The following CEP63 variants were observed in gnomAD, a reference collection of about 807,000 sequenced individuals.
The protein encoded by CEP63 is centrosomal protein of 63 kDa.
CEP63 carries 84 observed loss-of-function variants against 89.1 expected under a neutral mutation model. The observed-to-expected ratio is 0.94, with a 90% CI of 0.79 to 1.13. The LOEUF is 1.13. Ranked by LOEUF, CEP63 falls within the 50% of genes most tolerant of loss-of-function variation. CEP63 has a pLI of 0.00. For synonymous variants in CEP63, 267 were observed against 272.5 expected (o/e 0.98, Z 0.20); for missense variants, 838 against 813.3 (o/e 1.03, Z -0.37).
chr3:134,716,722 C>A, the CEP63 span, among the ~76,000 whole-genome samples: 6 of 152,154 alleles, frequency 3.9e-5, no homozygotes, highest in Admixed American at 3.3e-4. Flanking sequence ...GAGTCATGCA[C>A]AACAGCCACC....
At chr3:134,689,914 C>T in the CEP63 span, among the ~76,000 whole-genome samples, 2 of 152,152 alleles carry the variant, frequency 1.3e-5, no homozygotes, top group East Asian at 3.9e-4. Context: ...AAGCTGGCCC[C>T]TTCCATAGCG....
chr3:134,546,854 G>A (rs913359305), intron 8 of CEP63, among the ~76,000 whole-genome samples: 1 of 152,196 alleles, frequency 6.6e-6, no homozygotes, highest in African/African-American at 2.4e-5. Context: ...CAGTTTGCAT[G>A]CTTGGTGAAA....
chr3:134,757,872 C>T, the CEP63 span, among the ~76,000 whole-genome samples: 1 of 151,960 alleles, frequency 6.6e-6, no homozygotes, highest in African/African-American at 2.4e-5. Flanking sequence ...TCCATGTGCC[C>T]CTCCGTGGAG....
At position 134,561,984 on chromosome 3, in the gene CEP63, G is replaced by A. The variant is rs1241030062; in HGVS notation, c.*449G>A. On this transcript the variant is annotated 3_prime_UTR_variant, in exon 15 of 15. Coordinates refer to ENST00000675561, the MANE Select transcript of CEP63 (RefSeq NM_001353108.3). ...CTGGTTTTGCCACTTACCAGCCAAC[G>A]GGGCTTGTTATTTACTGGGCTGGTA... 4.9e-6 allele frequency: 5 copies of A among 1,018,268 alleles called. No individual in the cohort carries two copies. Among genetic ancestry groups the A allele is most frequent in the South Asian group, 3.8e-5 (1 of 26,374 alleles). The allele number at this position is 1,018,268 out of a possible 1,614,324, so 63.1% of individuals were successfully genotyped here.
the CEP63 span, among the ~76,000 whole-genome samples, chr3:134,676,939 A>G: frequency 3.3e-5 from 5 of 152,114 alleles, no homozygotes; most frequent in Admixed American, 6.6e-5. Context: ...CTTCCACTAG[A>G]AAAATAGTTC....
chr3:134,514,456 A>G (rs1945763448), intron 3 of CEP63, among the ~76,000 whole-genome samples: 1 of 152,200 alleles, frequency 6.6e-6, no homozygotes, highest in South Asian at 2.1e-4. Flanking sequence ...AGGAAGGTCA[A>G]GTATTTAAGA....
intron 10 of CEP63, among the ~76,000 whole-genome samples, chr3:134,582,180 G>A (rs1420410745): frequency 6.8e-6 from 1 of 147,796 alleles, no homozygotes; most frequent in African/African-American, 2.5e-5. Flanking sequence ...ACAGTGGATG[G>A]GTTTTTTAAA....
At chr3:134,494,995 A>T (rs1213601502) in intron 1 of CEP63, among the ~76,000 whole-genome samples, 1 of 151,974 alleles carries the variant, frequency 6.6e-6, no homozygotes, top group Admixed American at 6.6e-5. Context: ...GAGAGATCCC[A>T]CCTCCACCCC....
chr3:134,485,955 C>T (rs1414679823), upstream of CEP63: 2 of 982,006 alleles, frequency 2.0e-6, no homozygotes, highest in Admixed American at 6.3e-5. Context: ...CCCTTACCGG[C>T]ACCCGGCCAC....
At chr3:134,605,351 C>T in the CEP63 span, among the ~76,000 whole-genome samples, 9 of 152,166 alleles carry the variant, frequency 5.9e-5, no homozygotes, top group Non-Finnish European at 1.2e-4. Context: ...TCCCCAGCCC[C>T]GTTCACAGTT....
chr3:134,585,135 C>A (rs1036182905), intron 10 of CEP63, among the ~76,000 whole-genome samples: 2 of 151,836 alleles, frequency 1.3e-5, no homozygotes, highest in Non-Finnish European at 2.9e-5. Context: ...TTTCAAAAAA[C>A]CAGCTCCTGG....
At chr3:134,594,232 C>G in the CEP63 span, among the ~76,000 whole-genome samples, 1 of 152,264 alleles carries the variant, frequency 6.6e-6, no homozygotes, top group South Asian at 2.1e-4. Flanking sequence ...CCAGGGGCTC[C>G]CCACTCCTAA....
the CEP63 span, among the ~76,000 whole-genome samples, chr3:134,763,623 G>C: frequency 6.6e-6 from 1 of 152,136 alleles, no homozygotes; most frequent in Non-Finnish European, 1.5e-5. Flanking sequence ...ACTCATCCAA[G>C]TTTACCCAGT....
At chr3:134,714,898 G>T in the CEP63 span, among the ~76,000 whole-genome samples, 1 of 152,204 alleles carries the variant, frequency 6.6e-6, no homozygotes, top group Non-Finnish European at 1.5e-5. Context: ...GTAGGTAAAT[G>T]GTGACCATAA....
intron 1 of CEP63, among the ~76,000 whole-genome samples, chr3:134,488,887 G>A (rs554202187): frequency 1.3e-5 from 2 of 152,204 alleles, no homozygotes; most frequent in South Asian, 4.1e-4. Context: ...GCTGGGCGCG[G>A]TGGCTCACGC....
At chr3:134,488,494 A>G (rs1234786082) in intron 1 of CEP63, among the ~76,000 whole-genome samples, 1 of 151,990 alleles carries the variant, frequency 6.6e-6, no homozygotes, top group Non-Finnish European at 1.5e-5. Flanking sequence ...CTGTAATCCC[A>G]GCTACTCGGG....
At chr3:134,619,640 T>G in the CEP63 span, among the ~76,000 whole-genome samples, 7 of 152,162 alleles carry the variant, frequency 4.6e-5, no homozygotes, top group Non-Finnish European at 4.4e-5. Context: ...TGCTGACCCA[T>G]GGGGCACACA....
chr3:134,702,113 A>G, the CEP63 span, among the ~76,000 whole-genome samples: 1 of 152,202 alleles, frequency 6.6e-6, no homozygotes, highest in Admixed American at 6.5e-5. Context: ...TTCCATTCAC[A>G]ATTGCCACAA....
chr3:134,586,446 T>C (rs1958488010), intron 10 of CEP63, among the ~76,000 whole-genome samples: 2 of 152,166 alleles, frequency 1.3e-5, no homozygotes, highest in Admixed American at 6.5e-5. Context: ...TCTCCTTCAC[T>C]TATGAAGCTT....
Sources: allele counts gnomAD v4.1 joint callset (sites outside exome capture counted in the v4.1 genomes callset), GRCh38; gene constraint gnomAD v4.1.1; transcripts MANE v1.5; gene names NCBI Gene and HGNC (gene_info 2026-07-23, HGNC 2026-07-21).